The following RAD51B variants were observed in gnomAD, a reference collection of about 807,000 sequenced individuals.
RAD51B encodes the protein DNA repair protein RAD51 homolog 2.
A neutral mutation model predicts 42.2 loss-of-function variants in RAD51B; 38 were observed. That is an observed-to-expected ratio of 0.90 (90% CI 0.70 to 1.18). The LOEUF (loss-of-function observed/expected upper bound fraction) is 1.18, where lower values mean the gene tolerates loss of function less well. RAD51B is among the 50% of genes most tolerant of loss of function. The pLI is 0.00. For synonymous variants in RAD51B, 154 were observed against 145.2 expected (o/e 1.06, Z -0.43); for missense variants, 373 against 400.7 (o/e 0.93, Z 0.59).
intron 7 of RAD51B, among the ~76,000 whole-genome samples, chr14:68,280,139 C>T (rs543189240): frequency 2.0e-5 from 3 of 152,342 alleles, no homozygotes; most frequent in African/African-American, 7.2e-5. Context: ...CCTACTGGAG[C>T]ATGGTTCCTC....
intron 10 of RAD51B, among the ~76,000 whole-genome samples, chr14:68,621,055 C>A (rs868251795): frequency 1.3e-5 from 2 of 152,210 alleles, no homozygotes; most frequent in Non-Finnish European, 2.9e-5. Context: ...CCTTGGCAAT[C>A]CCTGCCTAAG....
rs542908558 is a variant in RAD51B, at chr14:67,865,701, A to C, written c.452+562A>C. On this transcript the variant is annotated intron_variant, in intron 5 of 10. Transcript: ENST00000471583. Reference sequence around the variant, plus strand: ...TTACAGGCGCCCTACCACCAGGCCTAGCTAATTTTTGTATTTTTAGTAGAG... The same window carrying C: ...TTACAGGCGCCCTACCACCAGGCCTCGCTAATTTTTGTATTTTTAGTAGAG... Among the ~76,000 whole-genome samples, 236 of 151,352 alleles carry C rather than the reference A, an allele frequency of 1.6e-3. 1 individual carries two copies. The highest frequency in any genetic ancestry group is 3.8e-4 in the Non-Finnish European group (26 of 67,870).
chr14:67,861,516 C>G (rs1409605541), intron 4 of RAD51B, among the ~76,000 whole-genome samples: 1 of 147,084 alleles, frequency 6.8e-6, no homozygotes, highest in Non-Finnish European at 1.5e-5. Flanking sequence ...AGGCCACTTG[C>G]AGTAAGTTAT....
At chr14:68,116,677 A>G (rs1018832089) in intron 7 of RAD51B, among the ~76,000 whole-genome samples, 1 of 152,202 alleles carries the variant, frequency 6.6e-6, no homozygotes, top group Non-Finnish European at 1.5e-5. Context: ...TAAATGCTGA[A>G]TGAATGTGAT....
intron 7 of RAD51B, among the ~76,000 whole-genome samples, chr14:67,938,827 A>C (rs2045052904): frequency 2.6e-5 from 4 of 152,332 alleles, no homozygotes; most frequent in Admixed American, 2.0e-4. Context: ...TGACAATTTC[A>C]TTGCTACCTA....
chr14:68,134,963 A>G (rs889586545), intron 7 of RAD51B, among the ~76,000 whole-genome samples: 3 of 152,168 alleles, frequency 2.0e-5, no homozygotes, highest in Non-Finnish European at 4.4e-5. Flanking sequence ...TTTATGATTA[A>G]TATTTTAAGG....
chr14:68,291,042 A>T (rs7155473), intron 7 of RAD51B, among the ~76,000 whole-genome samples: 74,731 of 151,704 alleles, frequency 0.49, 21,591 homozygotes, highest in South Asian at 0.67. Flanking sequence ...TCCTGACCTC[A>T]GGCGATTCGC....
chr14:68,660,682 A>G (rs1892914746), intron 11 of RAD51B, among the ~76,000 whole-genome samples: 1 of 152,166 alleles, frequency 6.6e-6, no homozygotes, highest in African/African-American at 2.4e-5. Flanking sequence ...AGGAAATGAG[A>G]CCAGTCCTTG....
chr14:68,472,485 T>C (rs2086151135), intron 10 of RAD51B, among the ~76,000 whole-genome samples: 1 of 152,078 alleles, frequency 6.6e-6, no homozygotes, highest in African/African-American at 2.4e-5. Context: ...TCCAGGGGAA[T>C]GAAGGGTTGA....
intron 10 of RAD51B, among the ~76,000 whole-genome samples, chr14:68,621,700 A>G (rs1891952492): frequency 6.6e-6 from 1 of 152,248 alleles, no homozygotes; most frequent in South Asian, 2.1e-4. Context: ...GGAGAAAAAA[A>G]TAAGCTCCCA....
At chr14:67,886,972 T>G in intron 6 of RAD51B, 49 bp from the exon 7 acceptor site, 1 of 1,210,826 alleles carries the variant, frequency 8.3e-7, no homozygotes, top group Non-Finnish European at 1.1e-6. Context: ...CTTTATTTAT[T>G]TATTTTATCT....
chr14:68,110,926 C>A (rs1402905035), intron 7 of RAD51B, among the ~76,000 whole-genome samples: 2 of 151,968 alleles, frequency 1.3e-5, no homozygotes, highest in East Asian at 3.9e-4. Context: ...TTGACTAATT[C>A]CAGGTTGTCA....
At chr14:68,308,114 C>T (rs562527573) in intron 8 of RAD51B, among the ~76,000 whole-genome samples, 5 of 152,236 alleles carry the variant, frequency 3.3e-5, no homozygotes, top group Admixed American at 6.5e-5. Context: ...ATGGTATTTT[C>T]TCCTGTTGTT....
intron 7 of RAD51B, among the ~76,000 whole-genome samples, chr14:68,224,370 A>G (rs916730586): frequency 3.9e-5 from 6 of 152,196 alleles, no homozygotes; most frequent in African/African-American, 1.4e-4. Flanking sequence ...CCAATGGCCC[A>G]TTAGCTGTGT....
At chr14:68,235,329 C>T (rs2080226081) in intron 7 of RAD51B, among the ~76,000 whole-genome samples, 1 of 151,700 alleles carries the variant, frequency 6.6e-6, no homozygotes, top group Admixed American at 6.6e-5. Flanking sequence ...TACTTGAAGC[C>T]AAGACAGCCA....
At chr14:68,289,985 T>C (rs2081484080) in intron 7 of RAD51B, among the ~76,000 whole-genome samples, 1 of 152,220 alleles carries the variant, frequency 6.6e-6, no homozygotes, top group Non-Finnish European at 1.5e-5. Flanking sequence ...AAAGATTGTC[T>C]TTGCTACTCG....
intron 10 of RAD51B, among the ~76,000 whole-genome samples, chr14:68,607,139 G>A (rs1311555951): frequency 3.3e-5 from 5 of 152,166 alleles, no homozygotes; most frequent in Admixed American, 1.3e-4. Context: ...TCATGCGGGC[G>A]GGCCACTGAG....
intron 10 of RAD51B, among the ~76,000 whole-genome samples, chr14:68,584,648 C>T (rs1890370014): frequency 6.6e-6 from 1 of 152,196 alleles, no homozygotes; most frequent in East Asian, 1.9e-4. Flanking sequence ...TCGCTTTCGT[C>T]CTTCAAGGTG....
chr14:68,094,084 G>A (rs1402462332), intron 7 of RAD51B, among the ~76,000 whole-genome samples: 1 of 152,114 alleles, frequency 6.6e-6, no homozygotes, highest in Admixed American at 6.6e-5. Flanking sequence ...GCATTTCTCT[G>A]ATTACTAATG....
Sources: gnomAD v4.1 joint callset for allele counts (sites outside exome capture counted in the v4.1 genomes callset) on GRCh38, gnomAD v4.1.1 for gene constraint, MANE v1.5 for transcripts, NCBI Gene and HGNC (gene_info 2026-07-23, HGNC 2026-07-21) for gene names.